Variants in MON1B observed in about 807,000 individuals in gnomAD.
MON1B encodes vacuolar fusion protein MON1 homolog B.
MON1B carries 26 observed loss-of-function variants against 45.1 expected under a neutral mutation model. The observed-to-expected ratio is 0.58, with a 90% CI of 0.42 to 0.80. The LOEUF is 0.80. Ranked by LOEUF, MON1B falls within the 30% of genes least tolerant of loss-of-function variation. MON1B has a pLI of 0.00. For synonymous variants in MON1B, 395 were observed against 320.2 expected, an observed-to-expected ratio of 1.23 and a Z score of -2.49; for missense variants, 737 against 754.5, an observed-to-expected ratio of 0.98 and a Z score of 0.27.
rs1489480340 is a variant in MON1B, at chr16:77,194,081, T to C, written c.476-254T>C. On this transcript the variant is annotated intron_variant, in intron 3 of 5. Coordinates refer to ENST00000248248, the MANE Select transcript of MON1B (RefSeq NM_014940.4). This position sits in a 1 kb window ranked among gnomAD's most constrained non-coding sequence, Gnocchi z 8.1. ...CTTTCTGGCTCTGTGTCAGCCCTTG[T>C]ACCATCTCTACCCGCCTGCCCGTGG... 1 of 602,370 alleles carries C rather than the reference T, an allele frequency of 1.7e-6. No individual in the cohort carries two copies. The highest frequency in any genetic ancestry group is 1.9e-5 in the African/African-American group (1 of 54,030). 37.3% of individuals were successfully genotyped at this position (602,370 alleles called of 1,614,324 possible). A position where few individuals can be genotyped will look rare whatever the true frequency, so the allele number is the denominator to read the frequency against.
chr16:77,195,262 AAG>A, intron 4 of MON1B, 108 bp downstream of exon 4: 1 of 1,166,906 alleles, frequency 8.6e-7, no homozygotes, highest in Non-Finnish European at 1.2e-6. Context: ...ATGCTTAAGA[AAG>A]AGGGAAGAGA....
chr16:77,192,703 G>A (rs901188447), intron 2 of MON1B, among the ~76,000 whole-genome samples: 1 of 152,070 alleles, frequency 6.6e-6, no homozygotes, highest in Non-Finnish European at 1.5e-5. Flanking sequence ...TTGGGGGTAG[G>A]GGGGAGTAGA....
Position 77,198,499 on chromosome 16 carries a change from G to A in MON1B, c.*191G>A. 1.6e-6 allele frequency: 1 copy of A among 626,044 alleles called. No individual in the cohort carries two copies. The highest frequency in any genetic ancestry group is 2.8e-6 in the Non-Finnish European group (1 of 358,872). The allele number at this position is 626,044 out of a possible 1,614,324, so 38.8% of individuals were successfully genotyped here. A position where few individuals can be genotyped will look rare whatever the true frequency, so the allele number is the denominator to read the frequency against. ...GCCAGGCGAGCAGGCTGCTTTCCCT[G>A]CCCAGTCATGCACCTCCCCCTCTGG... On this transcript the variant is annotated 3_prime_UTR_variant, in exon 6 of 6. Transcript: ENST00000248248.
In MON1B at chr16:77,200,043, A is replaced by C. The variant is rs1369149191; in HGVS notation, c.*1735A>C. On this transcript the variant is annotated 3_prime_UTR_variant, in exon 6 of 6. Transcript: ENST00000248248. Reference sequence around the variant, plus strand: ...TTGTATTCCATCCAAAAGAAAAAAAAATCTCAGGCCGGGCACGGAGGCTCA... The same window carrying C: ...TTGTATTCCATCCAAAAGAAAAAAACATCTCAGGCCGGGCACGGAGGCTCA... 2 of 151,886 alleles carry C rather than the reference A, an allele frequency of 1.3e-5. No homozygotes were observed. Among genetic ancestry groups the C allele is most frequent in the Non-Finnish European group, 2.9e-5 (2 of 68,028 alleles). The allele number at this position is 151,886 out of a possible 1,614,324, so 9.4% of individuals were successfully genotyped here. A position where few individuals can be genotyped will look rare whatever the true frequency, so the allele number is the denominator to read the frequency against.
At position 77,195,144 on chromosome 16, in the gene MON1B, C is replaced by A; in HGVS notation, c.1285C>A (p.Gln429Lys). The change falls in exon 4 of 6, where the codon CAG (glutamine) becomes AAG (lysine). Residue 429 changes from glutamine to lysine, a missense_variant. By Grantham distance (53) the Gln-to-Lys change is moderately conservative. Coordinates refer to ENST00000248248, the MANE Select transcript of MON1B (RefSeq NM_014940.4). ...CCCTGACCACCACCGCCAACTGCCC[C>A]AGTTTACCAGGTAGGCCCTGACCCT... ...DIPDHHRQLP[Q>K]FTSPELEAPY... The A allele has an allele frequency of 6.3e-7, 1 of 1,592,642 alleles. No individual in the cohort carries two copies. The highest frequency in any genetic ancestry group is 2.2e-5 in the East Asian group (1 of 44,656).
chr16:77,198,083 ACT>A (rs780619158), intron 5 of MON1B, 23 bp from the exon 6 acceptor site: 80 of 1,609,242 alleles, frequency 5.0e-5, no homozygotes, highest in Non-Finnish European at 5.0e-5. Context: ...GGCCCATCTG[ACT>A]CTGTCTCCTC....
rs1166413312 is a variant in MON1B, at chr16:77,201,833, T to C, written c.*3525T>C. The C allele has an allele frequency of 2.6e-5, 4 of 152,140 alleles. No individual in the cohort carries two copies. Among genetic ancestry groups the C allele is most frequent in the Admixed American group, 6.5e-5 (1 of 15,274 alleles). The allele number at this position is 152,140 out of a possible 1,614,324, so 9.4% of individuals were successfully genotyped here. A position where few individuals can be genotyped will look rare whatever the true frequency, so the allele number is the denominator to read the frequency against. The stretch of plus-strand genomic sequence containing the variant: ...AATGTATTAAAATTAAATTATAAGT[T>C]GATAGGATTATTATTGACACACAAG... On this transcript the variant is annotated 3_prime_UTR_variant, in exon 6 of 6. Coordinates refer to ENST00000248248, the MANE Select transcript of MON1B (RefSeq NM_014940.4).
At position 77,200,254 on chromosome 16, in the gene MON1B, GTGTATATATATA is replaced by G. The variant is rs2054719702; in HGVS notation, c.*1948_*1959del. The G allele has an allele frequency of 4.7e-5, 4 of 84,386 alleles. No homozygotes were observed. The highest frequency in any genetic ancestry group is 7.8e-5 in the African/African-American group (2 of 25,714). The allele number at this position is 84,386 out of a possible 1,614,324, so 5.2% of individuals were successfully genotyped here. The stretch of plus-strand genomic sequence containing the variant: ...TGTGTATATATATATATATGTATAT[GTGTATATATATA>G]TATATGTGTATATATATATATATAT... On this transcript the variant is annotated 3_prime_UTR_variant, in exon 6 of 6. Transcript: ENST00000248248.
In MON1B at chr16:77,199,227, C is replaced by G. The variant is rs985429325; in HGVS notation, c.*919C>G. 1.8e-6 allele frequency: 1 copy of G among 556,380 alleles called. No individual in the cohort carries two copies. Among genetic ancestry groups the G allele is most frequent in the African/African-American group, 1.9e-5 (1 of 51,972 alleles). The allele number at this position is 556,380 out of a possible 1,614,324, so 34.5% of individuals were successfully genotyped here. A position where few individuals can be genotyped will look rare whatever the true frequency, so the allele number is the denominator to read the frequency against. ...CCCTCACTCCCCAACTGGCCATTAC[C>G]CTAGTTCTGCCCTTGTTTGTGGAGT... On this transcript the variant is annotated 3_prime_UTR_variant, in exon 6 of 6. Transcript: ENST00000248248.
At position 77,199,574 on chromosome 16, in the gene MON1B, T is replaced by G; in HGVS notation, c.*1266T>G. The G allele has an allele frequency of 8.0e-7, 1 of 1,242,716 alleles. No homozygotes were observed. The highest frequency in any genetic ancestry group is 2.5e-5 in the East Asian group (1 of 39,450). 77.0% of individuals were successfully genotyped at this position (1,242,716 alleles called of 1,614,324 possible). On this transcript the variant is annotated 3_prime_UTR_variant, in exon 6 of 6. Transcript: ENST00000248248. ...AACCAGGGCAGAAAGGAGGGAGGAT[T>G]CGTCCCATTACAATAATGAAATAAT... is the stretch of plus-strand genomic sequence containing the variant.
Position 77,193,796 on chromosome 16 carries a change from G to A in MON1B, c.475+19G>A, listed in dbSNP as rs755480847. On this transcript the variant is annotated intron_variant, in intron 3 of 5. Transcript: ENST00000248248. The surrounding 1 kb of genome is among the most constrained non-coding windows in gnomAD (Gnocchi z 5.0). ...TACGCTGGTGAGCAAACAGGTGGGA[G>A]GCAGAATGGGGGACAGTGACTGGGA... 1.9e-6 allele frequency: 3 copies of A among 1,594,374 alleles called. No homozygotes were observed. Among genetic ancestry groups the A allele is most frequent in the East Asian group, 2.2e-5 (1 of 44,632 alleles).
chr16:77,192,541 C>T, intron 2 of MON1B, among the ~76,000 whole-genome samples: 1 of 151,790 alleles, frequency 6.6e-6, no homozygotes, highest in East Asian at 1.9e-4. Context: ...TGGGTAGGGG[C>T]AATGGAAGTC....
rs1171930166 is a variant in MON1B, at chr16:77,201,403, T to C, written c.*3095T>C. On this transcript the variant is annotated 3_prime_UTR_variant, in exon 6 of 6. Transcript: ENST00000248248. The stretch of plus-strand genomic sequence containing the variant: ...CACCAGCAAAGGAAAAATTGAAGGA[T>C]GTATCAAGTTGCCATTTCTAGCCCA... 1.3e-5 allele frequency: 2 copies of C among 152,184 alleles called. No individual in the cohort carries two copies. Among genetic ancestry groups the C allele is most frequent in the East Asian group, 3.9e-4 (2 of 5,192 alleles). 9.4% of individuals were successfully genotyped at this position (152,184 alleles called of 1,614,324 possible).
rs1305185837 is a variant in MON1B at position 77,200,184 on chromosome 16, A to G, written c.*1876A>G. ...ATCTCTACTAAAAAACTATATATACATATACATATGTGTGTATGTGTATTT... is the reference window on the plus strand; with the variant it reads ...ATCTCTACTAAAAAACTATATATACGTATACATATGTGTGTATGTGTATTT... On this transcript the variant is annotated 3_prime_UTR_variant, in exon 6 of 6. Coordinates refer to ENST00000248248, the MANE Select transcript of MON1B (RefSeq NM_014940.4). The G allele has an allele frequency of 6.7e-6, 1 of 149,488 alleles. No individual in the cohort carries two copies. Among genetic ancestry groups the G allele is most frequent in the Non-Finnish European group, 1.5e-5 (1 of 67,570 alleles). The allele number at this position is 149,488 out of a possible 1,614,324, so 9.3% of individuals were successfully genotyped here.
In MON1B at chr16:77,191,463, C is replaced by T. The variant is rs779837222; in HGVS notation, c.-10-13C>T. On this transcript the variant is annotated splice_polypyrimidine_tract_variant and intron_variant, in intron 1 of 5. Transcript: ENST00000248248. The stretch of plus-strand genomic sequence containing the variant: ...TTTCACCGCCCGTCACCCTCGATTC[C>T]CCTCCCACTCAGGGATGTGCAGATG... 2 of 1,586,722 alleles carry T rather than the reference C, an allele frequency of 1.3e-6. No homozygotes were observed. Among genetic ancestry groups the T allele is most frequent in the Non-Finnish European group, 1.7e-6 (2 of 1,168,762 alleles).
chr16:77,194,270 C>T lies in MON1B; in HGVS notation c.476-65C>T. 1.4e-6 allele frequency: 2 copies of T among 1,408,190 alleles called. No homozygotes were observed. Among genetic ancestry groups the T allele is most frequent in the Middle Eastern group, 1.8e-4 (1 of 5,680 alleles). 87.2% of individuals were successfully genotyped at this position (1,408,190 alleles called of 1,614,324 possible). A position where few individuals can be genotyped will look rare whatever the true frequency, so the allele number is the denominator to read the frequency against. ...ATGGTAGGAGAGGGCAGAAGAGCCC[C>T]ACTGTCTCCCTCTGGTCATTCCTGA... is the stretch of plus-strand genomic sequence containing the variant. On this transcript the variant is annotated intron_variant, in intron 3 of 5. Coordinates refer to ENST00000248248, the MANE Select transcript of MON1B (RefSeq NM_014940.4). The surrounding 1 kb of genome is among the most constrained non-coding windows in gnomAD (Gnocchi z 8.1).
chr16:77,194,694 G>A lies in MON1B; in HGVS notation c.835G>A (p.Ala279Thr). The A allele has an allele frequency of 6.2e-7, 1 of 1,613,998 alleles. No individual in the cohort carries two copies. ...TAPGLALSVL[A>T]VGGRLITAAQ... Reference sequence around the variant, plus strand: ...GCCTGGCCTGGCGCTGTCAGTGCTGGCAGTAGGCGGTCGACTTATAACAGC... The same window carrying A: ...GCCTGGCCTGGCGCTGTCAGTGCTGACAGTAGGCGGTCGACTTATAACAGC... Residue 279 changes from alanine (A) to threonine (T), a missense_variant, in exon 4 of 6, where the codon GCA becomes ACA. Coordinates refer to ENST00000248248, the MANE Select transcript of MON1B (RefSeq NM_014940.4). The surrounding 1 kb of genome is among the most constrained non-coding windows in gnomAD (Gnocchi z 8.1).
rs573788823 is a variant in MON1B, at chr16:77,199,704, A to G, written c.*1396A>G. On this transcript the variant is annotated 3_prime_UTR_variant, in exon 6 of 6. Transcript: ENST00000248248. ...GAGATAAATTAACAGGCATATTCTT[A>G]TCACCGAGATTAACTTTTGTCAACT... 2.2e-4 allele frequency: 118 copies of G among 532,108 alleles called. 2 individuals are homozygous for G. Among genetic ancestry groups the G allele is most frequent in the South Asian group, 1.4e-3 (47 of 34,630 alleles). The allele number at this position is 532,108 out of a possible 1,614,324, so 33.0% of individuals were successfully genotyped here.
In MON1B at chr16:77,199,315, C is replaced by A; in HGVS notation, c.*1007C>A. The A allele has an allele frequency of 1.3e-6, 1 of 786,576 alleles. No homozygotes were observed. Among genetic ancestry groups the A allele is most frequent in the Non-Finnish European group, 2.1e-6 (1 of 481,162 alleles). The allele number at this position is 786,576 out of a possible 1,614,324, so 48.7% of individuals were successfully genotyped here. A position where few individuals can be genotyped will look rare whatever the true frequency, so the allele number is the denominator to read the frequency against. On this transcript the variant is annotated 3_prime_UTR_variant, in exon 6 of 6. Coordinates refer to ENST00000248248, the MANE Select transcript of MON1B (RefSeq NM_014940.4). Reference sequence around the variant, plus strand: ...GGGCCGCAGTGTGTTCTGCGCCTGCCCAGAGCTGACTCCTGATTTAACCGC... The same window carrying A: ...GGGCCGCAGTGTGTTCTGCGCCTGCACAGAGCTGACTCCTGATTTAACCGC...
Sources: gnomAD v4.1 joint callset for allele counts (sites outside exome capture counted in the v4.1 genomes callset) on GRCh38, gnomAD v4.1.1 for gene constraint, Gnocchi (gnomAD v3.1) non-coding constraint, MANE v1.5 for transcripts, NCBI Gene and HGNC (gene_info 2026-07-23, HGNC 2026-07-21) for gene names.